Variants in ZZZ3 observed in about 807,000 individuals in gnomAD.
The protein encoded by ZZZ3 is ZZ-type zinc finger-containing protein 3.
In ZZZ3, 22 loss-of-function variants were observed where a neutral mutation model predicts 95.2. The observed-to-expected ratio is 0.23, with a 90% CI of 0.17 to 0.33. The LOEUF (loss-of-function observed/expected upper bound fraction) is 0.33, where lower values mean the gene tolerates loss of function less well. ZZZ3 is among the 10% of genes least tolerant of loss of function. The pLI, the probability that ZZZ3 is intolerant of heterozygous loss-of-function variation, is 1.00. For synonymous variants in ZZZ3, 335 were observed against 358.9 expected, an observed-to-expected ratio of 0.93 and a Z score of 0.75; for missense variants, 885 against 1,066.5, an observed-to-expected ratio of 0.83 and a Z score of 2.37.
intron 5 of ZZZ3, among the ~76,000 whole-genome samples, chr1:77,606,970 C>T (rs1452605398): frequency 6.6e-6 from 1 of 152,206 alleles, no homozygotes; most frequent in Non-Finnish European, 1.5e-5. Flanking sequence ...CACAGGAAAA[C>T]AGAACCTCAC....
chr1:77,584,465 A>C, intron 6 of ZZZ3, 52 bp downstream of exon 6: 1 of 1,538,444 alleles, frequency 6.5e-7, no homozygotes, highest in Non-Finnish European at 8.7e-7. Context: ...AAATTCTCTT[A>C]AGCTATTCCC....
intron 5 of ZZZ3, among the ~76,000 whole-genome samples, chr1:77,620,472 A>C (rs1165615581): frequency 1.4e-5 from 2 of 141,532 alleles, no homozygotes; most frequent in Non-Finnish European, 3.1e-5. Flanking sequence ...AAAGAAAGAA[A>C]GAACGAAAGA....
At chr1:77,590,696 T>C (rs528363900) in intron 5 of ZZZ3, among the ~76,000 whole-genome samples, 2 of 152,188 alleles carry the variant, frequency 1.3e-5, no homozygotes, top group Non-Finnish European at 2.9e-5. Flanking sequence ...AATGGAAAAA[T>C]TTAAATATAG....
At chr1:77,683,127 C>T (rs1672963262), upstream of ZZZ3, 1 of 146,884 alleles carries the variant, frequency 6.8e-6, no homozygotes, top group Non-Finnish European at 1.5e-5. Flanking sequence ...CAGTCGTCGC[C>T]TCCAGCCCAC....
Position 77,632,464 on chromosome 1 carries a change from A to T in ZZZ3, c.891T>A (p.Thr297=), listed in dbSNP as rs199641771. Reference sequence around the variant, plus strand: ...CAGAAAAGGGCCCTGTAGCTGGCTCAGTAGTCAGCTGATTAACATGTTCCA... The same window carrying T: ...CAGAAAAGGGCCCTGTAGCTGGCTCTGTAGTCAGCTGATTAACATGTTCCA... ...LPVEHVNQLT[T]EPATGPFSET... The change falls in exon 5 of 15, where the codon ACT becomes ACA. Residue 297 remains threonine (T), a synonymous_variant. Coordinates refer to ENST00000370801, the MANE Select transcript of ZZZ3 (RefSeq NM_015534.6). 1.2e-6 allele frequency: 2 copies of T among 1,614,162 alleles called. No homozygotes were observed. Among genetic ancestry groups the T allele is most frequent in the African/African-American group, 2.7e-5 (2 of 75,050 alleles).
intron 5 of ZZZ3, among the ~76,000 whole-genome samples, chr1:77,608,890 A>G (rs929634256): frequency 6.6e-6 from 1 of 152,200 alleles, no homozygotes; most frequent in African/African-American, 2.4e-5. Context: ...GAAAAAACAT[A>G]TAACACATAC....
At chr1:77,608,261 A>G (rs1269325750) in intron 5 of ZZZ3, among the ~76,000 whole-genome samples, 2 of 152,234 alleles carry the variant, frequency 1.3e-5, no homozygotes, top group Non-Finnish European at 2.9e-5. Flanking sequence ...AAAAGCAGCA[A>G]ATGAAAAGAA....
intron 11 of ZZZ3, 120 bp from the exon 12 acceptor site, chr1:77,576,340 G>T: frequency 1.2e-6 from 1 of 808,086 alleles, no homozygotes; most frequent in Non-Finnish European, 1.9e-6. Context: ...CTATCCTTTA[G>T]CATACTCTTA....
chr1:77,651,781 G>A (rs903022728), intron 1 of ZZZ3, among the ~76,000 whole-genome samples: 8 of 152,136 alleles, frequency 5.3e-5, no homozygotes, highest in African/African-American at 1.9e-4. Context: ...ACTTTGGGAG[G>A]CCAAGGCAGG....
intron 1 of ZZZ3, among the ~76,000 whole-genome samples, chr1:77,673,933 AAGTCAT>A: frequency 6.6e-6 from 1 of 152,152 alleles, no homozygotes; most frequent in East Asian, 1.9e-4. Flanking sequence ...GCAAGCTACC[AAGTCAT>A]AAAAGTCCAA....
Position 77,581,075 on chromosome 1 carries a change from C to A in ZZZ3, c.1909-6G>T, listed in dbSNP as rs140940009. ...CACAAGCGTCCTCTTATCATCTGCA[C>A]ATAAGACAAGGCTTTTGTCAGAGAG... is the stretch of plus-strand genomic sequence containing the variant. On this transcript the variant is annotated splice_region_variant and splice_polypyrimidine_tract_variant and intron_variant, in intron 8 of 14. Coordinates refer to ENST00000370801, the MANE Select transcript of ZZZ3 (RefSeq NM_015534.6). The A allele has an allele frequency of 4.6e-5, 74 of 1,612,894 alleles. No homozygotes were observed. The African/African-American group carries it at 7.6e-4, about 17-fold the overall frequency.
intron 12 of ZZZ3, among the ~76,000 whole-genome samples, chr1:77,571,824 G>A (rs1305831149): frequency 6.6e-6 from 1 of 152,190 alleles, no homozygotes; most frequent in Non-Finnish European, 1.5e-5. Context: ...TTTCAGTCAT[G>A]TAAGCTGAGA....
intron 5 of ZZZ3, among the ~76,000 whole-genome samples, chr1:77,591,202 T>C (rs540043909): frequency 6.6e-6 from 1 of 152,314 alleles, no homozygotes; most frequent in African/African-American, 2.4e-5. Flanking sequence ...TTTAGTGAAA[T>C]AAGAGCTGTA....
At chr1:77,585,405 C>T (rs538949120) in intron 5 of ZZZ3, among the ~76,000 whole-genome samples, 2 of 152,184 alleles carry the variant, frequency 1.3e-5, no homozygotes, top group African/African-American at 4.8e-5. Flanking sequence ...TATTCTCCCT[C>T]TGTTTAAATT....
intron 5 of ZZZ3, among the ~76,000 whole-genome samples, chr1:77,624,539 T>C (rs1667170252): frequency 6.6e-6 from 1 of 152,236 alleles, no homozygotes; most frequent in South Asian, 2.1e-4. Context: ...ATCTACGAGC[T>C]ATGAGGGTTG....
intron 13 of ZZZ3, among the ~76,000 whole-genome samples, chr1:77,568,088 G>C (rs1183135523): frequency 6.6e-6 from 1 of 151,976 alleles, no homozygotes; most frequent in Non-Finnish European, 1.5e-5. Context: ...CTGCAGCCTG[G>C]CCAACATGGT....
intron 1 of ZZZ3, among the ~76,000 whole-genome samples, chr1:77,644,424 C>G (rs377374533): frequency 3.3e-5 from 5 of 152,270 alleles, no homozygotes; most frequent in East Asian, 1.9e-4. Flanking sequence ...AGAGCTGAAC[C>G]GAATTTTCAT....
intron 1 of ZZZ3, among the ~76,000 whole-genome samples, chr1:77,653,972 A>G (rs1473865484): frequency 6.6e-6 from 1 of 152,046 alleles, no homozygotes; most frequent in Non-Finnish European, 1.5e-5. Flanking sequence ...GTGGATCAAG[A>G]GGTCAGGAGG....
chr1:77,636,205 T>TTTTTAAAA (rs1295538712), intron 4 of ZZZ3, among the ~76,000 whole-genome samples: 1 of 152,184 alleles, frequency 6.6e-6, no homozygotes, highest in African/African-American at 2.4e-5. Context: ...TAGTCTTTAC[T>TTTTTAAAA]TTTTAAAATG....
Sources: gnomAD v4.1 joint callset for allele counts (sites outside exome capture counted in the v4.1 genomes callset) on GRCh38, gnomAD v4.1.1 for gene constraint, MANE v1.5 for transcripts, NCBI Gene and HGNC (gene_info 2026-07-23, HGNC 2026-07-21) for gene names.